The following VTI1A variants were observed in gnomAD, a reference collection of about 807,000 sequenced individuals.
VTI1A encodes vesicle transport through interaction with t-SNAREs homolog 1A.
Under a neutral mutation model 34.9 loss-of-function variants are expected in VTI1A, and 22 were observed. The observed-to-expected ratio is 0.63, with a 90% CI of 0.45 to 0.90. The LOEUF (loss-of-function observed/expected upper bound fraction) is 0.90. VTI1A is among the 40% of genes least tolerant of loss of function. VTI1A has a pLI of 0.00. For synonymous variants in VTI1A, 87 were observed against 97.3 expected (o/e 0.89, Z 0.62); for missense variants, 268 against 275.6 (o/e 0.97, Z 0.20).
chr10:112,456,637 A>T (rs887570002), intron 1 of VTI1A, among the ~76,000 whole-genome samples: 40 of 152,240 alleles, frequency 2.6e-4, no homozygotes, highest in African/African-American at 8.9e-4. Context: ...CATCTGTTGC[A>T]CCCAGCAGCT....
chr10:112,531,768 G>A (rs562481837), intron 4 of VTI1A, among the ~76,000 whole-genome samples: 1 of 152,112 alleles, frequency 6.6e-6, no homozygotes. Flanking sequence ...AGAAAAGATC[G>A]CTGGCCGATC....
intron 7 of VTI1A, among the ~76,000 whole-genome samples, chr10:112,682,709 T>C (rs1253241538): frequency 6.6e-6 from 1 of 152,224 alleles, no homozygotes; most frequent in Non-Finnish European, 1.5e-5. Flanking sequence ...TTAGCTGCTG[T>C]TAGCTCTGCC....
intron 7 of VTI1A, among the ~76,000 whole-genome samples, chr10:112,786,370 C>T (rs554878602): frequency 8.1e-4 from 124 of 152,300 alleles, no homozygotes; most frequent in African/African-American, 2.7e-3. Context: ...TACAGAATCA[C>T]GTCAGTTGTG....
At chr10:112,581,572 A>C (rs34912252) in intron 5 of VTI1A, among the ~76,000 whole-genome samples, 5,647 of 152,304 alleles carry the variant, frequency 0.037, 140 homozygotes, top group Non-Finnish European at 0.053. Flanking sequence ...TATACAATGC[A>C]AGGTATATAT....
intron 3 of VTI1A, among the ~76,000 whole-genome samples, chr10:112,502,192 T>C (rs1180767070): frequency 6.6e-6 from 1 of 151,838 alleles, no homozygotes; most frequent in Admixed American, 6.6e-5. Flanking sequence ...CACACCCAGC[T>C]AATTTTTTTT....
chr10:112,529,163 G>C (rs750292201), intron 4 of VTI1A, among the ~76,000 whole-genome samples: 2 of 152,070 alleles, frequency 1.3e-5, no homozygotes, highest in African/African-American at 4.8e-5. Context: ...ATAAATTATA[G>C]TCATGAGAAT....
At chr10:112,670,047 C>G (rs996082657) in intron 7 of VTI1A, among the ~76,000 whole-genome samples, 15 of 152,094 alleles carry the variant, frequency 9.9e-5, no homozygotes, top group African/African-American at 3.6e-4. Context: ...AACTCAGAAT[C>G]ATAAGCCATC....
intron 5 of VTI1A, among the ~76,000 whole-genome samples, chr10:112,627,909 A>C (rs974677787): frequency 2.0e-5 from 3 of 152,176 alleles, no homozygotes; most frequent in Non-Finnish European, 4.4e-5. Flanking sequence ...AGGGGGTTCT[A>C]CTTGACCTAT....
At chr10:112,638,223 A>G (rs1279655202) in intron 5 of VTI1A, among the ~76,000 whole-genome samples, 2 of 152,226 alleles carry the variant, frequency 1.3e-5, no homozygotes, top group African/African-American at 4.8e-5. Context: ...AAAATGCCTC[A>G]TAGTAACTTC....
chr10:112,742,689 G>C (rs1355246133), intron 7 of VTI1A, among the ~76,000 whole-genome samples: 1 of 152,198 alleles, frequency 6.6e-6, no homozygotes, highest in Non-Finnish European at 1.5e-5. Flanking sequence ...AAATATGACA[G>C]AGAAAAGATT....
intron 1 of VTI1A, among the ~76,000 whole-genome samples, chr10:112,453,213 G>C (rs966537296): frequency 3.3e-5 from 5 of 152,168 alleles, no homozygotes; most frequent in African/African-American, 9.7e-5. Context: ...CAGAAGTAAA[G>C]CATCATTTTC....
At chr10:112,702,669 C>T (rs188303837) in intron 7 of VTI1A, among the ~76,000 whole-genome samples, 20 of 151,964 alleles carry the variant, frequency 1.3e-4, no homozygotes, top group Admixed American at 9.8e-4. Context: ...TCACTGCCAC[C>T]TCTGCCTATG....
intron 3 of VTI1A, among the ~76,000 whole-genome samples, chr10:112,516,763 C>G (rs1849797615): frequency 6.6e-6 from 1 of 151,944 alleles, no homozygotes; most frequent in Non-Finnish European, 1.5e-5. Context: ...ATTCATAGGG[C>G]CTGCTGATTG....
rs112507293 is a variant in VTI1A at position 112,673,821 on chromosome 10, A to G, written c.560+4823A>G. ...CACTGTCAGAATGATTCCTAAGAGT[A>G]AATAGACCAGGAATGCCAATGCAAG... On this transcript the variant is annotated intron_variant, in intron 7 of 7. Coordinates refer to ENST00000393077, the MANE Select transcript of VTI1A (RefSeq NM_145206.4). Among the ~76,000 whole-genome samples the G allele has an allele frequency of 6.0e-3, 915 of 152,350 alleles. 4 individuals are homozygous for G. The highest frequency in any genetic ancestry group is 0.01 in the Non-Finnish European group (710 of 68,032).
At chr10:112,666,971 A>C (rs1482936281) in intron 5 of VTI1A, among the ~76,000 whole-genome samples, 1 of 152,092 alleles carries the variant, frequency 6.6e-6, no homozygotes, top group Non-Finnish European at 1.5e-5. Context: ...AGTTAGCCAC[A>C]CAGCTAGTAA....
chr10:112,597,167 A>G (rs1256489006), intron 5 of VTI1A, among the ~76,000 whole-genome samples: 1 of 151,972 alleles, frequency 6.6e-6, no homozygotes, highest in African/African-American at 2.4e-5. Flanking sequence ...ATTTCCACTT[A>G]CGCTAACCTT....
intron 5 of VTI1A, among the ~76,000 whole-genome samples, chr10:112,585,251 T>C (rs991530259): frequency 6.6e-6 from 1 of 152,208 alleles, no homozygotes; most frequent in African/African-American, 2.4e-5. Context: ...CTGTTATGAA[T>C]CACTCCAGCA....
At chr10:112,803,676 G>A (rs931511858) in intron 7 of VTI1A, among the ~76,000 whole-genome samples, 2 of 152,320 alleles carry the variant, frequency 1.3e-5, no homozygotes, top group South Asian at 4.1e-4. Context: ...TGAGGTGGGA[G>A]GATCACTTGA....
chr10:112,746,149 C>G (rs1850887220), intron 7 of VTI1A, among the ~76,000 whole-genome samples: 1 of 152,166 alleles, frequency 6.6e-6, no homozygotes, highest in Non-Finnish European at 1.5e-5. Flanking sequence ...AATTTCATGT[C>G]TATTTGAAAT....
Sources: allele counts gnomAD v4.1 joint callset (sites outside exome capture counted in the v4.1 genomes callset), GRCh38; gene constraint gnomAD v4.1.1; transcripts MANE v1.5; gene names NCBI Gene and HGNC (gene_info 2026-07-23, HGNC 2026-07-21).